The following BABAM2 variants were observed in gnomAD, a reference collection of about 807,000 sequenced individuals.
BABAM2 encodes BRISC and BRCA1 A complex member 2, also known as BRISC and BRCA1-A complex member 2.
BABAM2 carries 31 observed loss-of-function variants against 54.7 expected under a neutral mutation model. The observed-to-expected ratio is 0.57, with a 90% CI of 0.43 to 0.77. The LOEUF (loss-of-function observed/expected upper bound fraction) is 0.77. Ranked by LOEUF, BABAM2 falls within the 30% of genes least tolerant of loss-of-function variation. The pLI is 0.00. For synonymous variants in BABAM2, 167 were observed against 162.9 expected (o/e 1.03, Z -0.19); for missense variants, 364 against 455.8 (o/e 0.80, Z 1.83).
chr2:27,902,701 A>G (rs1182648130), intron 2 of BABAM2, among the ~76,000 whole-genome samples: 2 of 152,146 alleles, frequency 1.3e-5, no homozygotes, highest in Non-Finnish European at 2.9e-5. Flanking sequence ...GTATATTTCT[A>G]TAGATTTTAA....
chr2:27,924,586 G>T (rs1490622188), intron 2 of BABAM2, among the ~76,000 whole-genome samples: 4 of 152,130 alleles, frequency 2.6e-5, no homozygotes, highest in African/African-American at 9.7e-5. Context: ...GTTTCACCAT[G>T]TTGGCCCCGC....
chr2:28,220,366 T>C (rs1196208426), intron 7 of BABAM2, among the ~76,000 whole-genome samples: 1 of 152,222 alleles, frequency 6.6e-6, no homozygotes, highest in Admixed American at 6.5e-5. Flanking sequence ...CTTAATATAA[T>C]GCCTGGCTCA....
intron 6 of BABAM2, among the ~76,000 whole-genome samples, chr2:28,049,704 G>A (rs953795947): frequency 2.6e-5 from 4 of 152,330 alleles, no homozygotes; most frequent in Admixed American, 6.5e-5. Flanking sequence ...GGCACAATCA[G>A]TGCAGAGCCC....
chr2:28,258,779 A>G (rs538522162), intron 10 of BABAM2, among the ~76,000 whole-genome samples: 1 of 146,100 alleles, frequency 6.8e-6, no homozygotes, highest in Non-Finnish European at 1.5e-5. Flanking sequence ...TGCCTGGCTA[A>G]TTTTTTTTTC....
chr2:28,219,747 T>G (rs1483485612), intron 7 of BABAM2, among the ~76,000 whole-genome samples: 1 of 152,032 alleles, frequency 6.6e-6, no homozygotes, highest in East Asian at 1.9e-4. Flanking sequence ...AGGCTTGTAA[T>G]CAAGAGTGGG....
chr2:28,027,481 C>T (rs887139174), intron 5 of BABAM2, among the ~76,000 whole-genome samples: 15 of 152,176 alleles, frequency 9.9e-5, no homozygotes, highest in African/African-American at 3.6e-4. Context: ...GTTCCCACCT[C>T]CAGCCCTAGT....
At chr2:27,943,363 A>G (rs1021620997) in intron 3 of BABAM2, among the ~76,000 whole-genome samples, 1 of 152,176 alleles carries the variant, frequency 6.6e-6, no homozygotes, top group Non-Finnish European at 1.5e-5. Context: ...ACAACAAGCC[A>G]AGTCAGAAAG....
rs190784063 is a variant in BABAM2, at chr2:28,165,212, A to G, written c.680+35832A>G. Among the ~76,000 whole-genome samples the G allele has an allele frequency of 2.3e-4, 35 of 152,320 alleles. No individual in the cohort carries two copies. In the South Asian group the frequency reaches 4.1e-3, roughly 18 times the overall value. On this transcript the variant is annotated intron_variant, in intron 7 of 11. Coordinates refer to ENST00000379624, the MANE Select transcript of BABAM2 (RefSeq NM_199191.3). ...ACATACTATAATAGTAGGGTGTTCA[A>G]GTTTCTTTGAGGAATGTGAAGGGTG...
chr2:28,069,152 C>G (rs993228529), intron 6 of BABAM2, among the ~76,000 whole-genome samples: 1 of 152,154 alleles, frequency 6.6e-6, no homozygotes, highest in African/African-American at 2.4e-5. Flanking sequence ...CTTGTTTTCT[C>G]CAGGCGTTTT....
chr2:28,037,031 G>A (rs891804911), intron 5 of BABAM2, among the ~76,000 whole-genome samples: 1 of 152,146 alleles, frequency 6.6e-6, no homozygotes. Flanking sequence ...TGCATGAATT[G>A]TGGACATTTT....
At position 28,013,665 on chromosome 2, in the gene BABAM2, TAAA is replaced by T. The variant is rs55636414; in HGVS notation, c.301-11540_301-11538del. Among the ~76,000 whole-genome samples, 13 of 58,062 alleles carry T rather than the reference TAAA, an allele frequency of 2.2e-4. 1 individual carries two copies. Among genetic ancestry groups the T allele is most frequent in the Middle Eastern group, 0.017 (1 of 58 alleles). 38.1% of individuals were successfully genotyped at this position (58,062 alleles called of 152,430 possible). On this transcript the variant is annotated intron_variant, in intron 4 of 11. Transcript: ENST00000379624. ...GGTCTGATTGATTTTGTCCAGCAAG[TAAA>T]AAAAAAAAAAAAAAAAAAAAGCTCT...
intron 3 of BABAM2, among the ~76,000 whole-genome samples, chr2:27,963,469 C>CAAAAAAAAAAAAAAA (rs760525051): frequency 3.5e-3 from 191 of 54,020 alleles, no homozygotes; most frequent in Non-Finnish European, 4.7e-3. Flanking sequence ...GACTCTTTCT[C>CAAAAAAAAAAAAAAA]AAAAAAAAAA....
chr2:28,065,036 G>A (rs1679199554), intron 6 of BABAM2, among the ~76,000 whole-genome samples: 1 of 151,690 alleles, frequency 6.6e-6, no homozygotes, highest in Non-Finnish European at 1.5e-5. Flanking sequence ...TTACTTGAGG[G>A]CACACAGCTG....
chr2:28,231,990 G>GCC (rs1681452820), intron 7 of BABAM2, among the ~76,000 whole-genome samples: 1 of 151,466 alleles, frequency 6.6e-6, no homozygotes, highest in African/African-American at 2.4e-5. Context: ...AATTTTTTTA[G>GCC]AGATGGGATC....
intron 10 of BABAM2, among the ~76,000 whole-genome samples, chr2:28,272,727 T>G (rs2148167191): frequency 6.6e-6 from 1 of 152,262 alleles, no homozygotes; most frequent in South Asian, 2.1e-4. Flanking sequence ...GTCAAGCTGC[T>G]CATTGCCTGG....
At chr2:28,004,478 T>G (rs1673809925) in intron 4 of BABAM2, among the ~76,000 whole-genome samples, 1 of 152,156 alleles carries the variant, frequency 6.6e-6, no homozygotes, top group South Asian at 2.1e-4. Context: ...AGAACATTTA[T>G]GAAGAAACCA....
intron 6 of BABAM2, among the ~76,000 whole-genome samples, chr2:28,112,348 C>G (rs1327079552): frequency 6.6e-6 from 1 of 151,322 alleles, no homozygotes; most frequent in African/African-American, 2.4e-5. Flanking sequence ...CTAATGCTAT[C>G]CCTCCCCTAG....
At chr2:28,007,271 TAG>T (rs1674046060) in intron 4 of BABAM2, among the ~76,000 whole-genome samples, 1 of 152,058 alleles carries the variant, frequency 6.6e-6, no homozygotes, top group South Asian at 2.1e-4. Context: ...GCTGCATACA[TAG>T]ACTTATATTT....
chr2:28,268,994 C>T (rs894873046), intron 10 of BABAM2, among the ~76,000 whole-genome samples: 13 of 152,162 alleles, frequency 8.5e-5, no homozygotes, highest in African/African-American at 2.4e-4. Flanking sequence ...TATCTCATAC[C>T]TACAAAGATA....
Sources: gnomAD v4.1 joint callset for allele counts (sites outside exome capture counted in the v4.1 genomes callset) on GRCh38, gnomAD v4.1.1 for gene constraint, MANE v1.5 for transcripts, NCBI Gene and HGNC (gene_info 2026-07-23, HGNC 2026-07-21) for gene names.